The following SOX5 variants were observed in gnomAD, a reference collection of about 807,000 sequenced individuals.
SOX5 encodes SRY-box transcription factor 5, also known as transcription factor SOX-5.
SOX5 carries 9 observed loss-of-function variants against 92.0 expected under a neutral mutation model. That is an observed-to-expected ratio of 0.10 (90% CI 0.06 to 0.17). The LOEUF (loss-of-function observed/expected upper bound fraction) is 0.17, where lower values mean the gene tolerates loss of function less well. SOX5 is among the 10% of genes least tolerant of loss of function. SOX5 has a pLI of 1.00. For missense variants in SOX5, 642 were observed against 944.5 expected (o/e 0.68, Z 4.20); for synonymous variants, 344 against 336.3 (o/e 1.02, Z -0.25).
intron 1 of SOX5, among the ~76,000 whole-genome samples, chr12:23,898,574 A>T (rs2097200472): frequency 6.6e-6 from 1 of 152,240 alleles, no homozygotes; most frequent in Non-Finnish European, 1.5e-5. Context: ...ACAGGTTGTT[A>T]AGGTAGACTG....
chr12:24,365,027 A>G (rs1156331749), intron 2 of SOX5, among the ~76,000 whole-genome samples: 2 of 152,134 alleles, frequency 1.3e-5, no homozygotes, highest in Non-Finnish European at 2.9e-5. Flanking sequence ...GAAAAATGAT[A>G]TATTTCTCCA....
In SOX5 at chr12:23,533,238, T is replaced by TAATC; in HGVS notation, c.*977_*980dup. On this transcript the variant is annotated 3_prime_UTR_variant, in exon 15 of 15. Coordinates refer to ENST00000451604, the MANE Select transcript of SOX5 (RefSeq NM_006940.6). ...AACGTTATTCCTATTATTAGTACCA[T>TAATC]AATCACATACATACATACACACAAA... The TAATC allele has an allele frequency of 2.2e-6, 1 of 454,560 alleles. No homozygotes were observed. The highest frequency in any genetic ancestry group is 1.6e-5 in the South Asian group (1 of 64,260). 28.2% of individuals were successfully genotyped at this position (454,560 alleles called of 1,614,324 possible). A position where few individuals can be genotyped will look rare whatever the true frequency, so the allele number is the denominator to read the frequency against.
intron 4 of SOX5, among the ~76,000 whole-genome samples, chr12:24,107,556 C>T (rs1593224526): frequency 6.6e-6 from 1 of 152,252 alleles, no homozygotes; most frequent in East Asian, 1.9e-4. Flanking sequence ...AACAAACAAA[C>T]ATAAAACCCA....
chr12:23,720,448 T>A (rs190548926), intron 6 of SOX5, among the ~76,000 whole-genome samples: 4 of 152,326 alleles, frequency 2.6e-5, no homozygotes, highest in Middle Eastern at 3.4e-3. Context: ...CTACCTTTTG[T>A]CAAAAGAGCA....
chr12:24,460,692 C>T (rs1022415270), intron 1 of SOX5: 7 of 152,154 alleles, frequency 4.6e-5, no homozygotes, highest in African/African-American at 7.2e-5. Context: ...TATCTTCTCT[C>T]GAGCACTCCC....
chr12:23,545,593 T>C, intron 12 of SOX5, among the ~76,000 whole-genome samples: 1 of 152,036 alleles, frequency 6.6e-6, no homozygotes, highest in East Asian at 1.9e-4. Context: ...ATGTAGTACA[T>C]AGCACTAGGG....
rs1939258831 is a variant in SOX5, at chr12:23,532,258, A to G, written c.*1961T>C. On this transcript the variant is annotated 3_prime_UTR_variant, in exon 15 of 15. Coordinates refer to ENST00000451604, the MANE Select transcript of SOX5 (RefSeq NM_006940.6). ...ATGCAGGATATGATCAGCTCCTCCA[A>G]GCAAAACCCCAGAGCAAGTCTTCTG... 1 of 152,116 alleles carries G rather than the reference A, an allele frequency of 6.6e-6. No homozygotes were observed. Among genetic ancestry groups the G allele is most frequent in the African/African-American group, 2.4e-5 (1 of 41,414 alleles). The allele number at this position is 152,116 out of a possible 1,614,324, so 9.4% of individuals were successfully genotyped here.
At chr12:24,475,474 G>A (rs539151465) in intron 1 of SOX5, among the ~76,000 whole-genome samples, 1 of 152,134 alleles carries the variant, frequency 6.6e-6, no homozygotes, top group Non-Finnish European at 1.5e-5. Context: ...GCTGAAGTTG[G>A]TAGTGATGAG....
chr12:23,571,802 T>C (rs1263619225), intron 10 of SOX5, among the ~76,000 whole-genome samples: 1 of 152,228 alleles, frequency 6.6e-6, no homozygotes, highest in Non-Finnish European at 1.5e-5. Context: ...ACACAGGCTC[T>C]TTAGGTCTGT....
chr12:24,335,269 C>CAA (rs35618930), intron 2 of SOX5, among the ~76,000 whole-genome samples: 16 of 151,810 alleles, frequency 1.1e-4, no homozygotes, highest in African/African-American at 1.9e-4. Context: ...CAGAGGGGCC[C>CAA]AAAAAAACAG....
At chr12:24,511,198 C>G (rs752141820) in intron 1 of SOX5, among the ~76,000 whole-genome samples, 1 of 152,154 alleles carries the variant, frequency 6.6e-6, no homozygotes, top group Non-Finnish European at 1.5e-5. Flanking sequence ...GTCACATGAA[C>G]CAGAAAAATT....
chr12:24,109,756 A>G (rs1408046354), intron 4 of SOX5, among the ~76,000 whole-genome samples: 1 of 152,238 alleles, frequency 6.6e-6, no homozygotes, highest in East Asian at 1.9e-4. Flanking sequence ...ACTAGTGGTA[A>G]AATATTTTTA....
At chr12:24,298,407 AG>A (rs1250612993) in intron 2 of SOX5, among the ~76,000 whole-genome samples, 1 of 152,216 alleles carries the variant, frequency 6.6e-6, no homozygotes, top group Non-Finnish European at 1.5e-5. Flanking sequence ...TGAATTTTAA[AG>A]GATCTTACAA....
intron 1 of SOX5, among the ~76,000 whole-genome samples, chr12:24,377,350 T>C (rs867331816): frequency 5.3e-5 from 8 of 152,154 alleles, no homozygotes; most frequent in African/African-American, 1.7e-4. Flanking sequence ...CCCCCATTCA[T>C]TGCATCCAAA....
At chr12:24,188,225 G>C (rs1410066045) in intron 4 of SOX5, among the ~76,000 whole-genome samples, 1 of 152,182 alleles carries the variant, frequency 6.6e-6, no homozygotes, top group Non-Finnish European at 1.5e-5. Flanking sequence ...CAAAGAGCCA[G>C]AGTTAGGTAG....
chr12:24,462,073 G>A (rs1394864766), intron 1 of SOX5, among the ~76,000 whole-genome samples: 1 of 152,194 alleles, frequency 6.6e-6, no homozygotes, highest in African/African-American at 2.4e-5. Flanking sequence ...CAACAGGGAT[G>A]CATTCTGAGA....
chr12:23,599,982 A>G (rs554513458), intron 9 of SOX5, among the ~76,000 whole-genome samples: 1 of 152,350 alleles, frequency 6.6e-6, no homozygotes, highest in Non-Finnish European at 1.5e-5. Flanking sequence ...TGGTGCAAAA[A>G]TGAAAGTTGC....
chr12:24,375,736 CAAAAA>C (rs34949948), intron 1 of SOX5, among the ~76,000 whole-genome samples: 1 of 120,352 alleles, frequency 8.3e-6, no homozygotes, highest in Non-Finnish European at 1.7e-5. Context: ...AACTCTGTCT[CAAAAA>C]AAAAAAAAAA....
At chr12:23,648,981 T>A (rs947342420) in intron 7 of SOX5, among the ~76,000 whole-genome samples, 1 of 152,182 alleles carries the variant, frequency 6.6e-6, no homozygotes, top group African/African-American at 2.4e-5. Context: ...GCTACGCTAT[T>A]TCAATGATAT....
Sources: allele counts gnomAD v4.1 joint callset (sites outside exome capture counted in the v4.1 genomes callset), GRCh38; gene constraint gnomAD v4.1.1; transcripts MANE v1.5; gene names NCBI Gene and HGNC (gene_info 2026-07-23, HGNC 2026-07-21).